The following ESRRB variants were observed in gnomAD, a reference collection of about 807,000 sequenced individuals.
The protein encoded by ESRRB is steroid hormone receptor ERR2.
In ESRRB, 16 loss-of-function variants were observed where a neutral mutation model predicts 46.0. The observed-to-expected ratio is 0.35, with a 90% confidence interval of 0.24 to 0.53. ESRRB has a LOEUF of 0.53. Ranked by LOEUF, ESRRB falls within the 20% of genes least tolerant of loss-of-function variation. ESRRB has a pLI of 0.93. For missense variants in ESRRB, 488 were observed against 607.4 expected (o/e 0.80, Z 2.07); for synonymous variants, 246 against 259.6 (o/e 0.95, Z 0.50).
At chr14:76,439,297 C>T (rs1887808502) in intron 1 of ESRRB, 44 bp from the exon 2 acceptor site, 2 of 1,611,726 alleles carry the variant, frequency 1.2e-6, no homozygotes, top group African/African-American at 1.3e-5. Context: ...CCCACCACAC[C>T]CACAGCACCT....
intron 1 of ESRRB, among the ~76,000 whole-genome samples, chr14:76,378,887 T>C (rs997275379): frequency 6.6e-6 from 1 of 152,168 alleles, no homozygotes. Flanking sequence ...CCATTCATTA[T>C]AGTGCCGGCA....
rs779347908 is a variant in ESRRB at position 76,337,078 on chromosome 14, C to T, written c.2+26162C>T. On this transcript the variant is annotated intron_variant, in intron 1 of 6. Transcript: ENST00000512784. ...AAGTGCAAAGGCCCTGAGGTAGGAA[C>T]GGACTAGGGGTGTTCAAGGCACAGC... 5.9e-5 allele frequency among the ~76,000 whole-genome samples: 9 copies of T among 151,992 alleles called. 1 individual carries two copies. Among genetic ancestry groups the T allele is most frequent in the Admixed American group, 2.0e-4 (3 of 15,272 alleles).
At chr14:76,472,548 A>G (rs1889415092) in intron 3 of ESRRB, among the ~76,000 whole-genome samples, 2 of 152,362 alleles carry the variant, frequency 1.3e-5, no homozygotes, top group South Asian at 4.1e-4. Flanking sequence ...CACTGGGGTA[A>G]GAGGCAGCCC....
At chr14:76,478,362 A>G (rs935347) in intron 3 of ESRRB, among the ~76,000 whole-genome samples, 67,129 of 151,812 alleles carry the variant, frequency 0.44, 15,163 homozygotes, top group Middle Eastern at 0.53. Context: ...ATATCAGGAC[A>G]CAGAACATCC....
At chr14:76,387,416 G>C (rs1178878889) in intron 1 of ESRRB, among the ~76,000 whole-genome samples, 2 of 152,208 alleles carry the variant, frequency 1.3e-5, no homozygotes, top group Non-Finnish European at 2.9e-5. Flanking sequence ...TCCCTTGGTG[G>C]GGTGTATGGA....
chr14:76,310,978 T>TTCTGTC, intron 1 of ESRRB: 1 of 360,394 alleles, frequency 2.8e-6, no homozygotes. Flanking sequence ...TCTGTCCCCT[T>TTCTGTC]TCTCTCTCTC....
At chr14:76,475,226 G>A (rs375895223) in intron 3 of ESRRB, among the ~76,000 whole-genome samples, 2 of 151,790 alleles carry the variant, frequency 1.3e-5, no homozygotes, top group African/African-American at 4.8e-5. Flanking sequence ...AAAAAAAATG[G>A]GGTGTGGTGG....
intron 5 of ESRRB, among the ~76,000 whole-genome samples, chr14:76,489,442 C>T (rs943383236): frequency 1.5e-5 from 2 of 134,090 alleles, no homozygotes; most frequent in Non-Finnish European, 3.2e-5. Context: ...GGAATCTGGA[C>T]AACCACACAC....
intron 1 of ESRRB, among the ~76,000 whole-genome samples, chr14:76,354,663 G>A (rs975673469): frequency 5.3e-5 from 8 of 151,534 alleles, no homozygotes; most frequent in East Asian, 3.9e-4. Context: ...ATGGGGTCTC[G>A]GGGGTGGAAG....
At chr14:76,427,335 CTGTGTG>C (rs34441473) in intron 1 of ESRRB, among the ~76,000 whole-genome samples, 14 of 148,982 alleles carry the variant, frequency 9.4e-5, no homozygotes, top group Non-Finnish European at 1.5e-4. Context: ...TCTGCAGGAG[CTGTGTG>C]TGTGTGTGTG....
At chr14:76,377,227 A>T (rs1037087246) in intron 1 of ESRRB, among the ~76,000 whole-genome samples, 2 of 152,208 alleles carry the variant, frequency 1.3e-5, no homozygotes, top group African/African-American at 4.8e-5. Context: ...CGACTCTCAG[A>T]AACCGCGGGT....
chr14:76,429,133 G>T (rs1395012868), intron 1 of ESRRB, among the ~76,000 whole-genome samples: 1 of 152,062 alleles, frequency 6.6e-6, no homozygotes, highest in African/African-American at 2.4e-5. Flanking sequence ...GTATTGGGGG[G>T]CTGCTTTCTA....
chr14:76,427,190 C>T (rs1887239666), intron 1 of ESRRB, among the ~76,000 whole-genome samples: 1 of 152,176 alleles, frequency 6.6e-6, no homozygotes, highest in African/African-American at 2.4e-5. Context: ...CTGCCTCTGT[C>T]CCTGGAGAGG....
At chr14:76,324,144 A>T (rs1285700607) in intron 1 of ESRRB, among the ~76,000 whole-genome samples, 1 of 152,142 alleles carries the variant, frequency 6.6e-6, no homozygotes, top group African/African-American at 2.4e-5. Context: ...GAAGAAGGAA[A>T]AATAGGGCGG....
chr14:76,432,029 C>G (rs1257531249), intron 1 of ESRRB, among the ~76,000 whole-genome samples: 1 of 152,208 alleles, frequency 6.6e-6, no homozygotes, highest in South Asian at 2.1e-4. Context: ...TCAGCCTCAG[C>G]CTCCCGGAGA....
chr14:76,459,514 G>A (rs936032756), intron 2 of ESRRB, among the ~76,000 whole-genome samples: 2 of 144,274 alleles, frequency 1.4e-5, no homozygotes, highest in South Asian at 4.9e-4. Context: ...TGATAGTTAT[G>A]CAGAGCGAAT....
chr14:76,469,929 G>GTTTTTTTTTTTTTCTTTTTTTTT (rs1889295075), intron 3 of ESRRB, among the ~76,000 whole-genome samples: 4 of 78,754 alleles, frequency 5.1e-5, no homozygotes, highest in Non-Finnish European at 8.4e-5. Flanking sequence ...GTTTTTTGTT[G>GTTTTTTTTTTTTTCTTTTTTTTT]TTTTTTTTTT....
intron 2 of ESRRB, among the ~76,000 whole-genome samples, chr14:76,459,777 C>A (rs1395295637): frequency 6.6e-6 from 1 of 152,166 alleles, no homozygotes; most frequent in African/African-American, 2.4e-5. Flanking sequence ...TACACAGAAT[C>A]TTCATCCCTT....
intron 2 of ESRRB, among the ~76,000 whole-genome samples, chr14:76,441,205 C>T (rs1887908437): frequency 6.6e-6 from 1 of 152,190 alleles, no homozygotes; most frequent in African/African-American, 2.4e-5. Flanking sequence ...GTCGCTGCCA[C>T]CACACCCATA....
Sources: gnomAD v4.1 joint callset for allele counts (sites outside exome capture counted in the v4.1 genomes callset) on GRCh38, gnomAD v4.1.1 for gene constraint, MANE v1.5 for transcripts, NCBI Gene and HGNC (gene_info 2026-07-23, HGNC 2026-07-21) for gene names.